Variants in CCDC33 observed in about 807,000 individuals in gnomAD.
CCDC33 encodes coiled-coil domain-containing protein 33.
CCDC33 carries 94 observed loss-of-function variants against 91.9 expected under a neutral mutation model. That is an observed-to-expected ratio of 1.02 (90% CI 0.87 to 1.21). The LOEUF (loss-of-function observed/expected upper bound fraction) is 1.21, where lower values mean the gene tolerates loss of function less well. CCDC33 is among the 50% of genes most tolerant of loss of function. The probability of loss-of-function intolerance (pLI) is 0.00; values close to 1 mark genes in which losing one functional copy is unlikely to be tolerated. For missense variants in CCDC33, 940 were observed against 935.5 expected, an observed-to-expected ratio of 1.00 and a Z score of -0.06; for synonymous variants, 396 against 374.5, an observed-to-expected ratio of 1.06 and a Z score of -0.66.
At chr15:74,247,735 A>G (rs1340982688) in intron 2 of CCDC33, among the ~76,000 whole-genome samples, 4 of 152,154 alleles carry the variant, frequency 2.6e-5, no homozygotes, top group Non-Finnish European at 5.9e-5. Context: ...CAGTTTTGGG[A>G]TGAGTAATTC....
intron 11 of CCDC33, among the ~76,000 whole-genome samples, chr15:74,313,002 A>G (rs1035987881): frequency 2.6e-5 from 4 of 152,174 alleles, no homozygotes; most frequent in African/African-American, 9.6e-5. Flanking sequence ...GCTGGGAGGT[A>G]GGGTGTTTGT....
intron 2 of CCDC33, among the ~76,000 whole-genome samples, chr15:74,220,263 C>T (rs1207326046): frequency 6.6e-6 from 1 of 152,238 alleles, no homozygotes; most frequent in Non-Finnish European, 1.5e-5. Flanking sequence ...AGCCTGTTGA[C>T]ATGGCCCACT....
At position 74,330,353 on chromosome 15, in the gene CCDC33, G is replaced by C. The variant is rs112155010; in HGVS notation, c.1455G>C (p.Thr485=). The part of the protein sequence containing the change: ...GQGKASEAQN[T]VSMKQKLLLS... Reference sequence around the variant, plus strand: ...GCAAAGCCAGTGAGGCCCAGAACACGGGTGAGGATGTGCAGGCCACCAAGG... The same window carrying C: ...GCAAAGCCAGTGAGGCCCAGAACACCGGTGAGGATGTGCAGGCCACCAAGG... The change falls in exon 12 of 19, where the codon ACG becomes ACC. Residue 485 remains threonine, a splice_region_variant and synonymous_variant. Transcript: ENST00000398814. 6.3e-7 allele frequency: 1 copy of C among 1,588,496 alleles called. No homozygotes were observed. The highest frequency in any genetic ancestry group is 8.6e-7 in the Non-Finnish European group (1 of 1,167,538).
At chr15:74,204,134 G>T (rs1421543929) in intron 1 of CCDC33, among the ~76,000 whole-genome samples, 3 of 152,188 alleles carry the variant, frequency 2.0e-5, no homozygotes, top group Non-Finnish European at 4.4e-5. Context: ...AGAGATATCA[G>T]CATCTGCTGA....
In CCDC33 at chr15:74,229,024, C is replaced by T. The variant is rs186226409; in HGVS notation, c.675+10163C>T. On this transcript the variant is annotated intron_variant, in intron 2 of 2. Transcript: ENST00000635913. ...GCCCCTCGGACTTGCTGGCGCATCC[C>T]GGCTGCAGAGCCAACCCTGAGGCCC... Among the ~76,000 whole-genome samples, 64 of 152,250 alleles carry T rather than the reference C, an allele frequency of 4.2e-4. 1 individual carries two copies. Among genetic ancestry groups the T allele is most frequent in the Middle Eastern group, 6.8e-3 (2 of 294 alleles).
intron 2 of CCDC33, among the ~76,000 whole-genome samples, chr15:74,248,636 G>C (rs2075611300): frequency 6.6e-6 from 1 of 152,344 alleles, no homozygotes; most frequent in South Asian, 2.1e-4. Context: ...GTGGGGAGCT[G>C]AAGAGGGTTC....
intron 11 of CCDC33, among the ~76,000 whole-genome samples, chr15:74,325,400 C>G (rs2060289768): frequency 6.6e-6 from 1 of 152,146 alleles, no homozygotes; most frequent in South Asian, 2.1e-4. Context: ...CGGGTAACAC[C>G]TGCTCACCCT....
intron 11 of CCDC33, among the ~76,000 whole-genome samples, chr15:74,318,094 G>T (rs1253849359): frequency 1.3e-4 from 19 of 150,484 alleles, no homozygotes; most frequent in African/African-American, 4.1e-4. Context: ...TGCGGGGTGG[G>T]GAGGACTCCT....
chr15:74,320,473 C>T (rs945914088), intron 11 of CCDC33, among the ~76,000 whole-genome samples: 24 of 152,158 alleles, frequency 1.6e-4, no homozygotes, highest in Non-Finnish European at 2.4e-4. Flanking sequence ...TGCCTCCCAC[C>T]GGGAACTCTC....
Position 74,330,313 on chromosome 15 carries a change from A to C in CCDC33, c.1415A>C (p.Glu472Ala). 1 of 1,610,058 alleles carries C rather than the reference A, an allele frequency of 6.2e-7. No homozygotes were observed. The highest frequency in any genetic ancestry group is 8.5e-7 in the Non-Finnish European group (1 of 1,178,930). Reference protein sequence around the residue: ...ILRSRLAQQEEEEGQGKASEA... With the variant: ...ILRSRLAQQEAEEGQGKASEA... ...AGGAGCCGCCTGGCCCAGCAGGAGG[A>C]GGAAGAGGGGCAGGGCAAAGCCAGT... The change falls in exon 12 of 19, where the codon GAG becomes GCG. Residue 472 changes from glutamate to alanine, a missense_variant. Glu to Ala is a moderately radical substitution (Grantham distance 107, BLOSUM62 -1). Transcript: ENST00000398814.
At chr15:74,308,483 C>A (rs2059933278) in intron 11 of CCDC33, among the ~76,000 whole-genome samples, 1 of 152,156 alleles carries the variant, frequency 6.6e-6, no homozygotes, top group Non-Finnish European at 1.5e-5. Context: ...TCGGCTCCTG[C>A]CAGAGCTGCC....
chr15:74,277,229 CTTG>C (rs1327495855), intron 7 of CCDC33, among the ~76,000 whole-genome samples: 1 of 152,230 alleles, frequency 6.6e-6, no homozygotes, highest in Non-Finnish European at 1.5e-5. Flanking sequence ...GGAGAAGGGA[CTTG>C]AAGGCCACAC....
At chr15:74,233,071 T>C (rs752319835), upstream of CCDC33, among the ~76,000 whole-genome samples, 4 of 152,286 alleles carry the variant, frequency 2.6e-5, no homozygotes, top group African/African-American at 4.8e-5. Context: ...CTAAATCCAA[T>C]GTGTTCTCAG....
Position 74,330,258 on chromosome 15 carries a change from A to G in CCDC33, c.1360A>G (p.Ser454Gly). 1 of 1,613,068 alleles carries G rather than the reference A, an allele frequency of 6.2e-7. No individual in the cohort carries two copies. The highest frequency in any genetic ancestry group is 8.5e-7 in the Non-Finnish European group (1 of 1,179,876). Residue 454 changes from serine (S) to glycine (G), a missense_variant, in exon 12 of 19, where the codon AGC (serine) becomes GGC (glycine). Ser to Gly is a moderately conservative substitution (Grantham distance 56). Transcript: ENST00000398814. ...EDILSLRRQA[S>G]ILEGENRILR... The stretch of plus-strand genomic sequence containing the variant: ...CATCCTGTCTCTGCGGAGACAGGCC[A>G]GCATCCTGGAAGGAGAGAACCGCAT...
At chr15:74,272,112 A>C (rs371760582) in intron 6 of CCDC33, among the ~76,000 whole-genome samples, 3 of 152,138 alleles carry the variant, frequency 2.0e-5, no homozygotes, top group East Asian at 3.9e-4. Flanking sequence ...GAGGACAACA[A>C]GAGGGGTCCT....
chr15:74,265,197 G>A (rs775870184), intron 3 of CCDC33, among the ~76,000 whole-genome samples: 4 of 152,018 alleles, frequency 2.6e-5, no homozygotes, highest in African/African-American at 4.8e-5. Context: ...GGCTGAGCCC[G>A]CTGAACCTGC....
chr15:74,315,088 G>A (rs1420560874), intron 11 of CCDC33, among the ~76,000 whole-genome samples: 1 of 152,238 alleles, frequency 6.6e-6, no homozygotes, highest in Non-Finnish European at 1.5e-5. Flanking sequence ...AGCCAGCAGG[G>A]GTAAGGGGAG....
intron 7 of CCDC33, among the ~76,000 whole-genome samples, chr15:74,275,768 CA>C (rs2076433500): frequency 6.6e-6 from 1 of 152,092 alleles, no homozygotes; most frequent in African/African-American, 2.4e-5. Context: ...CTCCTGGGTT[CA>C]AGCAATTCTC....
At chr15:74,259,243 G>A (rs1284241894) in intron 2 of CCDC33, among the ~76,000 whole-genome samples, 1 of 152,060 alleles carries the variant, frequency 6.6e-6, no homozygotes, top group East Asian at 1.9e-4. Context: ...CTGTGGAGAG[G>A]CCTAGGGAAG....
Sources: gnomAD v4.1 joint callset for allele counts (sites outside exome capture counted in the v4.1 genomes callset) on GRCh38, gnomAD v4.1.1 for gene constraint, MANE v1.5 for transcripts, NCBI Gene and HGNC (gene_info 2026-07-23, HGNC 2026-07-21) for gene names.